The following TSPAN7 variants were observed in gnomAD, a reference collection of about 807,000 sequenced individuals.
TSPAN7 encodes the protein tetraspanin 7, also known as tetraspanin-7.
In TSPAN7, 1 loss-of-function variant was observed where a neutral mutation model predicts 17.6. The observed-to-expected ratio is 0.06, with a 90% confidence interval of 0.02 to 0.27. The LOEUF (loss-of-function observed/expected upper bound fraction) is 0.27, where lower values mean the gene tolerates loss of function less well. TSPAN7 is among the 10% of genes least tolerant of loss of function. The pLI is 1.00. For synonymous variants in TSPAN7, 78 were observed against 79.0 expected, an observed-to-expected ratio of 0.99 and a Z score of 0.07; for missense variants, 112 against 201.7, an observed-to-expected ratio of 0.56 and a Z score of 2.69.
intron 1 of TSPAN7, among the ~76,000 whole-genome samples, chrX:38,641,492 G>A (rs945286852): frequency 3.6e-5 from 4 of 111,748 alleles, no homozygotes; most frequent in Admixed American, 9.5e-5. Flanking sequence ...CGATAGCGGA[G>A]TTCTCTCTGT....
chrX:38,666,091 T>C, intron 1 of TSPAN7, 30 bp from the exon 2 acceptor site: 6 of 1,206,872 alleles, frequency 5.0e-6, no homozygotes, highest in Non-Finnish European at 6.7e-6. Flanking sequence ...CTCTTGGCAA[T>C]AGCTTCACAC....
chrX:38,613,604 CAGGAAGGGT>C (rs2069434297), intron 1 of TSPAN7, among the ~76,000 whole-genome samples: 1 of 111,538 alleles, frequency 9.0e-6, no homozygotes, highest in Admixed American at 9.5e-5. Flanking sequence ...AAGTCTCCTG[CAGGAAGGGT>C]AGGTCTAGTG....
Position 38,688,770 on chromosome X carries a change from A to G in TSPAN7, c.*839A>G, listed in dbSNP as rs1033092514. On this transcript the variant is annotated 3_prime_UTR_variant, in exon 8 of 8. Coordinates refer to ENST00000378482, the MANE Select transcript of TSPAN7 (RefSeq NM_004615.4). ...TAGACATTGAGGACCTCATCCAAAC[A>G]ATTTAAAAATGAGTGTGAAGGGGGA... is the stretch of plus-strand genomic sequence containing the variant. The G allele has an allele frequency of 8.9e-6, 1 of 112,797 alleles. No homozygotes were observed. Among genetic ancestry groups the G allele is most frequent in the Non-Finnish European group, 1.9e-5 (1 of 53,337 alleles). The allele number at this position is 112,797 out of a possible 1,213,427, so 9.3% of individuals were successfully genotyped here.
chrX:38,667,753 CTATTCT>C (rs1375662616), intron 2 of TSPAN7, among the ~76,000 whole-genome samples: 1 of 112,335 alleles, frequency 8.9e-6, no homozygotes, highest in Non-Finnish European at 1.9e-5. Flanking sequence ...ACCTGGCACT[CTATTCT>C]AACACCCTGA....
intron 1 of TSPAN7, among the ~76,000 whole-genome samples, chrX:38,651,100 A>C (rs967047572): frequency 9.2e-6 from 1 of 108,740 alleles, no homozygotes; most frequent in Non-Finnish European, 1.9e-5. Context: ...TGAGGGACTC[A>C]TCTCTTTTTC....
At chrX:38,644,859 G>A (rs1469031322) in intron 1 of TSPAN7, among the ~76,000 whole-genome samples, 2 of 111,952 alleles carry the variant, frequency 1.8e-5, no homozygotes, top group African/African-American at 3.2e-5. Flanking sequence ...GCAGGTACTC[G>A]ATCATCATTG....
chrX:38,643,219 A>C (rs2069624061), intron 1 of TSPAN7, among the ~76,000 whole-genome samples: 1 of 110,480 alleles, frequency 9.1e-6, no homozygotes, highest in Admixed American at 9.7e-5. Context: ...GATGGGTAGA[A>C]CATTAGTAGT....
intron 1 of TSPAN7, among the ~76,000 whole-genome samples, chrX:38,625,802 C>T (rs1002574940): frequency 1.8e-5 from 2 of 111,962 alleles, no homozygotes; most frequent in East Asian, 2.8e-4. Context: ...AAATTTTAGA[C>T]GTATGAGGCA....
chrX:38,681,370 T>C lies in TSPAN7; in HGVS notation c.681+83T>C, dbSNP rs1036469667. Reference sequence around the variant, plus strand: ...CCTCCAGATTCTCTGCCTGCCTTCCTGTGCTTTGGGAAAAGCTGATAGATG... The same window carrying C: ...CCTCCAGATTCTCTGCCTGCCTTCCCGTGCTTTGGGAAAAGCTGATAGATG... On this transcript the variant is annotated intron_variant, in intron 6 of 7. Coordinates refer to ENST00000378482, the MANE Select transcript of TSPAN7 (RefSeq NM_004615.4). 31 of 842,882 alleles carry C rather than the reference T, an allele frequency of 3.7e-5. No homozygotes were observed. In the African/African-American group the frequency reaches 5.2e-4, roughly 14 times the overall value. The allele number at this position is 842,882 out of a possible 1,213,427, so 69.5% of individuals were successfully genotyped here. A position where few individuals can be genotyped will look rare whatever the true frequency, so the allele number is the denominator to read the frequency against.
At chrX:38,641,681 T>C (rs2069612585) in intron 1 of TSPAN7, among the ~76,000 whole-genome samples, 1 of 112,122 alleles carries the variant, frequency 8.9e-6, no homozygotes, top group South Asian at 3.8e-4. Flanking sequence ...TCTGATGGTA[T>C]GTAATTTTCA....
intron 5 of TSPAN7, among the ~76,000 whole-genome samples, chrX:38,680,594 G>A (rs371473779): frequency 8.2e-5 from 8 of 97,898 alleles, no homozygotes; most frequent in African/African-American, 3.1e-4. Context: ...TGGAAAAGAT[G>A]ACCCTAGAAC....
At chrX:38,680,862 T>C (rs73617360) in intron 5 of TSPAN7, among the ~76,000 whole-genome samples, 1,338 of 111,773 alleles carry the variant, frequency 0.012, 19 homozygotes, top group African/African-American at 0.041. Flanking sequence ...ACAGATTTCT[T>C]GCTAAACTTA....
intron 1 of TSPAN7, among the ~76,000 whole-genome samples, chrX:38,589,941 A>G (rs1224625193): frequency 8.9e-6 from 1 of 112,666 alleles, no homozygotes; most frequent in Admixed American, 9.4e-5. Flanking sequence ...TTCTCTATAA[A>G]GACCTAACTG....
chrX:38,677,067 CTT>C (rs769739357), intron 5 of TSPAN7, among the ~76,000 whole-genome samples: 1 of 111,155 alleles, frequency 9.0e-6, no homozygotes, highest in East Asian at 2.8e-4. Flanking sequence ...GTACCCAAGT[CTT>C]TTTTTTCCCC....
chrX:38,565,068 T>C (rs772663662), intron 1 of TSPAN7, among the ~76,000 whole-genome samples: 30 of 112,137 alleles, frequency 2.7e-4, no homozygotes, highest in Admixed American at 4.7e-4. Flanking sequence ...ACCTGTTAAA[T>C]GTTTATAAGA....
chrX:38,589,824 C>A (rs937029947), intron 1 of TSPAN7, among the ~76,000 whole-genome samples: 2 of 111,752 alleles, frequency 1.8e-5, no homozygotes, highest in African/African-American at 6.5e-5. Flanking sequence ...TTATCATTCC[C>A]CCCTTAATTT....
At chrX:38,578,502 A>G (rs1333645246) in intron 1 of TSPAN7, among the ~76,000 whole-genome samples, 1 of 111,443 alleles carries the variant, frequency 9.0e-6, no homozygotes, top group African/African-American at 3.3e-5. Context: ...ACTGCTTGGT[A>G]TGTTGTGTTT....
rs776832833 is a variant in TSPAN7, at chrX:38,688,723, AT to A, written c.*798del. 4.5e-5 allele frequency: 5 copies of A among 112,100 alleles called. No individual in the cohort carries two copies. The highest frequency in any genetic ancestry group is 9.4e-5 in the Non-Finnish European group (5 of 53,159). 9.2% of individuals were successfully genotyped at this position (112,100 alleles called of 1,213,427 possible). On this transcript the variant is annotated 3_prime_UTR_variant, in exon 8 of 8. Transcript: ENST00000378482. ...GTGTTATTTTACTACTTCTCTCTGT[AT>A]TTTTTCTTGCATTGACATTATAGAC... is the stretch of plus-strand genomic sequence containing the variant.
intron 1 of TSPAN7, among the ~76,000 whole-genome samples, chrX:38,611,574 A>G (rs2069418672): frequency 9.0e-6 from 1 of 111,328 alleles, no homozygotes; most frequent in Non-Finnish European, 1.9e-5. Context: ...TCCTGCCATA[A>G]AGTGTCTTCT....
Sources: allele counts gnomAD v4.1 joint callset (sites outside exome capture counted in the v4.1 genomes callset), GRCh38; gene constraint gnomAD v4.1.1; transcripts MANE v1.5; gene names NCBI Gene and HGNC (gene_info 2026-07-23, HGNC 2026-07-21).